The following CWC27 variants were observed in gnomAD, a reference collection of about 807,000 sequenced individuals.
CWC27 encodes the protein spliceosome-associated protein CWC27 homolog.
CWC27 carries 47 observed loss-of-function variants against 63.6 expected under a neutral mutation model. That is an observed-to-expected ratio of 0.74 (90% CI 0.58 to 0.94). The LOEUF (loss-of-function observed/expected upper bound fraction) is 0.94, where lower values mean the gene tolerates loss of function less well. Ranked by LOEUF, CWC27 falls within the 40% of genes least tolerant of loss-of-function variation. The pLI is 0.00. For missense variants in CWC27, 495 were observed against 554.3 expected (o/e 0.89, Z 1.07); for synonymous variants, 175 against 179.8 (o/e 0.97, Z 0.22).
intron 3 of CWC27, 38 bp downstream of exon 3, chr5:64,782,071 GTTA>G (rs1030833297): frequency 1.3e-5 from 14 of 1,077,300 alleles, no homozygotes; most frequent in East Asian, 1.1e-4. Context: ...TATTTTTGTT[GTTA>G]TTATTATTTC....
At chr5:64,880,805 G>T (rs1322152768) in intron 10 of CWC27, among the ~76,000 whole-genome samples, 1 of 148,504 alleles carries the variant, frequency 6.7e-6, no homozygotes, top group African/African-American at 2.5e-5. Context: ...AAATATAACT[G>T]TGAGGAAAAC....
At chr5:64,912,782 T>C (rs1747817777) in intron 11 of CWC27, among the ~76,000 whole-genome samples, 1 of 152,168 alleles carries the variant, frequency 6.6e-6, no homozygotes, top group Non-Finnish European at 1.5e-5. Flanking sequence ...TTACCAAGAC[T>C]AATCTAAGAA....
At chr5:64,864,788 A>G (rs1186028500) in intron 10 of CWC27, among the ~76,000 whole-genome samples, 3 of 152,132 alleles carry the variant, frequency 2.0e-5, no homozygotes, top group Admixed American at 1.3e-4. Flanking sequence ...ATAATTGTGT[A>G]TACTTATGGG....
chr5:64,863,186 G>A (rs1255839354), intron 10 of CWC27, among the ~76,000 whole-genome samples: 4 of 151,990 alleles, frequency 2.6e-5, no homozygotes, highest in African/African-American at 7.3e-5. Flanking sequence ...TTTCTATGTA[G>A]CATCATGTAA....
intron 2 of CWC27, among the ~76,000 whole-genome samples, chr5:64,779,019 A>T (rs1408413771): frequency 6.6e-6 from 1 of 152,236 alleles, no homozygotes; most frequent in Non-Finnish European, 1.5e-5. Flanking sequence ...GGGTGTCTCC[A>T]AGACACTAAA....
chr5:64,858,640 G>A (rs894546430), intron 10 of CWC27, among the ~76,000 whole-genome samples: 1 of 151,672 alleles, frequency 6.6e-6, no homozygotes, highest in East Asian at 1.9e-4. Flanking sequence ...ACAAATTGGG[G>A]CCAATAAACA....
chr5:64,917,786 G>A (rs1040126320), intron 11 of CWC27, among the ~76,000 whole-genome samples: 1 of 152,112 alleles, frequency 6.6e-6, no homozygotes, highest in African/African-American at 2.4e-5. Context: ...TTTCAGACTG[G>A]AACTTACACT....
chr5:64,841,716 C>T (rs1198292561), intron 10 of CWC27, among the ~76,000 whole-genome samples: 1 of 152,072 alleles, frequency 6.6e-6, no homozygotes, highest in Non-Finnish European at 1.5e-5. Flanking sequence ...GCTCTTGTTG[C>T]CCAGGCTAGA....
chr5:64,971,601 C>A (rs2112442247), intron 11 of CWC27, 102 bp from the exon 12 acceptor site: 3 of 834,056 alleles, frequency 3.6e-6, no homozygotes, highest in Non-Finnish European at 5.3e-6. Context: ...AAAAAGCAAG[C>A]CCAAGTGCCA....
intron 11 of CWC27, among the ~76,000 whole-genome samples, chr5:64,960,922 G>GT (rs5868394): frequency 0.45 from 65,995 of 147,376 alleles, 14,628 homozygotes; most frequent in African/African-American, 0.48. Flanking sequence ...TCAATACACT[G>GT]TTTTTTTTTT....
intron 10 of CWC27, among the ~76,000 whole-genome samples, chr5:64,868,325 C>T (rs577858243): frequency 2.2e-3 from 282 of 128,796 alleles, no homozygotes; most frequent in Non-Finnish European, 3.6e-3. Flanking sequence ...GAAAGCAAAA[C>T]TTTCTTAAGT....
rs146490052 is a variant in CWC27 at position 64,860,347 on chromosome 5, C to T, written c.939-25096C>T. 1.5e-3 allele frequency among the ~76,000 whole-genome samples: 223 copies of T among 152,064 alleles called. 1 individual carries two copies. Among genetic ancestry groups the T allele is most frequent in the African/African-American group, 4.9e-3 (205 of 41,496 alleles). On this transcript the variant is annotated intron_variant, in intron 10 of 13. Transcript: ENST00000381070. ...TTATTAGCATTTATAGTAAACAAAA[C>T]ACAAAACATCTCTATCTGTCTAAAC...
chr5:64,870,522 G>A (rs1580691170), intron 10 of CWC27, among the ~76,000 whole-genome samples: 1 of 149,862 alleles, frequency 6.7e-6, no homozygotes, highest in Non-Finnish European at 1.5e-5. Context: ...TAAGTGTCTT[G>A]AACACTGGAG....
intron 10 of CWC27, among the ~76,000 whole-genome samples, chr5:64,858,137 C>CAAAA (rs529762534): frequency 4.3e-5 from 1 of 23,086 alleles, no homozygotes; most frequent in Non-Finnish European, 7.0e-5. Context: ...GACTCCGTCT[C>CAAAA]AAAAAAAAAA....
At chr5:64,828,940 T>C (rs1020578278) in intron 10 of CWC27, among the ~76,000 whole-genome samples, 2 of 152,118 alleles carry the variant, frequency 1.3e-5, no homozygotes, top group Non-Finnish European at 2.9e-5. Context: ...GAGAAGCTGA[T>C]CACAGCCATC....
At chr5:64,830,201 T>A (rs747675145) in intron 10 of CWC27, among the ~76,000 whole-genome samples, 1 of 149,526 alleles carries the variant, frequency 6.7e-6, no homozygotes, top group African/African-American at 2.5e-5. Context: ...CCCCTGTGTG[T>A]GATGTTCCCT....
In CWC27 at chr5:64,785,510, G is replaced by A; in HGVS notation, c.426G>A (p.Leu142=). 3.9e-6 allele frequency: 6 copies of A among 1,544,492 alleles called. No homozygotes were observed. The highest frequency in any genetic ancestry group is 5.2e-6 in the Non-Finnish European group (6 of 1,152,728). The change falls in exon 5 of 14, where the codon TTG becomes TTA. Residue 142 remains leucine (L), a synonymous_variant. Transcript: ENST00000381070. ...KVTGDTVYNM[L]RLSEVDIDDD... The stretch of plus-strand genomic sequence containing the variant: ...CAGGGGATACAGTATATAACATGTT[G>A]CGACTGTCAGAAGTAGACATTGATG...
intron 10 of CWC27, among the ~76,000 whole-genome samples, chr5:64,830,215 G>A (rs1196966066): frequency 2.0e-5 from 3 of 147,020 alleles, no homozygotes; most frequent in Non-Finnish European, 3.0e-5. Flanking sequence ...GTTCCCTACC[G>A]TGTGTCCAAG....
intron 10 of CWC27, among the ~76,000 whole-genome samples, chr5:64,826,702 T>G (rs199631713): frequency 0.057 from 4,373 of 76,854 alleles, 231 homozygotes; most frequent in African/African-American, 0.17. Flanking sequence ...GGTGTTTTTT[T>G]GTTTTTTTTT....
Sources: allele counts gnomAD v4.1 joint callset (sites outside exome capture counted in the v4.1 genomes callset), GRCh38; gene constraint gnomAD v4.1.1; transcripts MANE v1.5; gene names NCBI Gene and HGNC (gene_info 2026-07-23, HGNC 2026-07-21).